Variants in PLPP5 observed in about 807,000 individuals in gnomAD.
The protein encoded by PLPP5 is diacylglycerol pyrophosphate like 1.
Under a neutral mutation model 23.6 loss-of-function variants are expected in PLPP5, and 29 were observed. The observed-to-expected ratio is 1.23, with a 90% confidence interval of 0.92 to 1.68. PLPP5 has a LOEUF of 1.68. PLPP5 is among the 40% of genes most tolerant of loss of function. The pLI is 0.00. For missense variants in PLPP5, 315 were observed against 332.1 expected (o/e 0.95, Z 0.40); for synonymous variants, 143 against 131.3 (o/e 1.09, Z -0.61).
rs1328344588 is a variant in PLPP5 at position 38,269,158 on chromosome 8, C to T, written c.42G>A (p.Val14=). Residue 14 remains valine, a synonymous_variant, in exon 1 of 7, where the codon GTG becomes GTA. Transcript: ENST00000424479. ...CCGCGAACAGCGCGAGCCGCACGCC[C>T]ACTTCGGCCCCAAAGGCCACCGCCG... The part of the protein sequence containing the change: ...AAAAVAFGAE[V]GVRLALFAAF... 9.9e-6 allele frequency: 15 copies of T among 1,513,300 alleles called. No individual in the cohort carries two copies. Among genetic ancestry groups the T allele is most frequent in the Non-Finnish European group, 1.1e-5 (12 of 1,138,352 alleles). The allele number at this position is 1,513,300 out of a possible 1,614,324, so 93.7% of individuals were successfully genotyped here.
intron 2 of PLPP5, 168 bp from the exon 3 acceptor site, chr8:38,268,629 C>A: frequency 7.0e-7 from 1 of 1,437,994 alleles, no homozygotes; most frequent in South Asian, 1.5e-5. Flanking sequence ...AGCGCCCGTG[C>A]GGCTCGGGCC....
intron 2 of PLPP5, 180 bp from the exon 3 acceptor site, chr8:38,268,641 C>T: frequency 7.0e-7 from 1 of 1,436,700 alleles, no homozygotes; most frequent in South Asian, 1.5e-5. Flanking sequence ...GCTCGGGCCC[C>T]GGTACCTCAG....
intron 5 of PLPP5, chr8:38,266,959 A>G: frequency 9.8e-7 from 1 of 1,016,426 alleles, no homozygotes; most frequent in Non-Finnish European, 1.3e-6. Flanking sequence ...AAATGCTTCA[A>G]AGTACCTGAC....
At chr8:38,265,148 C>T (rs1807391187) in intron 6 of PLPP5, 1 of 529,548 alleles carries the variant, frequency 1.9e-6, no homozygotes, top group Admixed American at 3.4e-5. Flanking sequence ...TGCCTGTAAT[C>T]CCAGATACTC....
intron 2 of PLPP5, 140 bp downstream of exon 2, chr8:38,268,742 C>A (rs1329037417): frequency 2.0e-5 from 28 of 1,433,742 alleles, no homozygotes; most frequent in Middle Eastern, 5.0e-4. Context: ...AACACTCGAG[C>A]CCTAGGAGGC....
In PLPP5 at chr8:38,267,348, C is replaced by T. The variant is rs1019034691; in HGVS notation, c.382G>A (p.Ala128Thr). ...CCTGTACACATCAAGTCAGAATGGGCTAGCCCATCAGGGAAGCAGCGGTAG... is the reference window on the plus strand; with the variant it reads ...CCTGTACACATCAAGTCAGAATGGGTTAGCCCATCAGGGAAGCAGCGGTAG... ...FFYRCFPDGL[A>T]HSDLMCTGDK... The change falls in exon 5 of 7, where the codon GCC becomes ACC. Residue 128 changes from alanine to threonine, a missense_variant. Ala to Thr is a moderately conservative substitution (Grantham distance 58, BLOSUM62 0). Transcript: ENST00000424479. 1 of 1,613,902 alleles carries T rather than the reference C, an allele frequency of 6.2e-7. No individual in the cohort carries two copies. The highest frequency in any genetic ancestry group is 8.5e-7 in the Non-Finnish European group (1 of 1,179,906).
intron 4 of PLPP5, 47 bp downstream of exon 4, chr8:38,267,850 G>A (rs1807903641): frequency 6.4e-7 from 1 of 1,574,458 alleles, no homozygotes; most frequent in South Asian, 1.1e-5. Flanking sequence ...TGTTCTGGTG[G>A]GTAAGGGCTG....
At position 38,263,513 on chromosome 8, in the gene PLPP5, CTTCT is replaced by C. The variant is rs1047824212; in HGVS notation, c.*927_*930del. On this transcript the variant is annotated 3_prime_UTR_variant, in exon 7 of 7. Coordinates refer to ENST00000424479, the MANE Select transcript of PLPP5 (RefSeq NM_001102559.2). Reference sequence around the variant, plus strand: ...CTGAAACCACACTCCTGACCATTTTCTTCTTTATTATTGTTTTCACTTAGTAATT... The same window carrying C: ...CTGAAACCACACTCCTGACCATTTTCTTATTATTGTTTTCACTTAGTAATT... 4 of 985,274 alleles carry C rather than the reference CTTCT, an allele frequency of 4.1e-6. No individual in the cohort carries two copies. Among genetic ancestry groups the C allele is most frequent in the African/African-American group, 1.7e-5 (1 of 57,224 alleles). The allele number at this position is 985,274 out of a possible 1,614,324, so 61.0% of individuals were successfully genotyped here.
In PLPP5 at chr8:38,268,353, G is replaced by T. The variant is rs370633228; in HGVS notation, c.274+18C>A. On this transcript the variant is annotated intron_variant, in intron 3 of 6. Transcript: ENST00000424479. The stretch of plus-strand genomic sequence containing the variant: ...GTTCCCAGCACGAAGAAACCGGCCC[G>T]AAAGGGCTAGCGCTCACCCAGGCAG... 2 of 1,554,958 alleles carry T rather than the reference G, an allele frequency of 1.3e-6. No individual in the cohort carries two copies. The highest frequency in any genetic ancestry group is 1.2e-5 in the South Asian group (1 of 84,254).
chr8:38,266,952 T>C (rs1342543914), intron 5 of PLPP5: 12 of 913,036 alleles, frequency 1.3e-5, no homozygotes, highest in African/African-American at 3.4e-5. Context: ...GAAATGAAAA[T>C]GCTTCAAAGT....
At chr8:38,264,849 C>T in intron 6 of PLPP5, 3 of 1,599,230 alleles carry the variant, frequency 1.9e-6, no homozygotes, top group Non-Finnish European at 2.6e-6. Context: ...GTATAATAAG[C>T]TTTGTTCAGA....
At position 38,267,903 on chromosome 8, in the gene PLPP5, A is replaced by G. The variant is rs1807921241; in HGVS notation, c.332T>C (p.Val111Ala). Residue 111 changes from valine to alanine, a missense_variant, in exon 4 of 7, where the codon GTA (valine) becomes GCA (alanine). Coordinates refer to ENST00000424479, the MANE Select transcript of PLPP5 (RefSeq NM_001102559.2). ...GVFTNTIKLI[V>A]GRPRPDFFYR... ...GTTAGCTGTTGTCACTTACCTCCCT[A>G]CGATCAGTTTTATTGTGTTGGTAAA... is the stretch of plus-strand genomic sequence containing the variant. The G allele has an allele frequency of 6.2e-7, 1 of 1,613,836 alleles. No homozygotes were observed. The highest frequency in any genetic ancestry group is 1.7e-5 in the Admixed American group (1 of 59,998).
At chr8:38,267,797 G>T in intron 4 of PLPP5, 100 bp downstream of exon 4, 2 of 1,221,122 alleles carry the variant, frequency 1.6e-6, no homozygotes, top group Non-Finnish European at 2.4e-6. Context: ...AGATAAAGGA[G>T]AAAAGAATGA....
intron 6 of PLPP5, chr8:38,265,200 A>T: frequency 3.9e-5 from 11 of 281,092 alleles, no homozygotes; most frequent in East Asian, 9.2e-5. Context: ...CAGGAGGTGG[A>T]GGTTGCAGTG....
At position 38,268,698 on chromosome 8, in the gene PLPP5, G is replaced by A. The variant is rs1023748420; in HGVS notation, c.183+184C>T. 3 of 1,431,786 alleles carry A rather than the reference G, an allele frequency of 2.1e-6. No homozygotes were observed. In the Admixed American group the frequency reaches 8.7e-5, roughly 41 times the overall value. The allele number at this position is 1,431,786 out of a possible 1,614,324, so 88.7% of individuals were successfully genotyped here. On this transcript the variant is annotated intron_variant, in intron 2 of 6. Transcript: ENST00000424479. ...GAAAACGTTGTCTCAGCCCAAAGAGGCTCGGACACCCTCCTCTCTCAATCA... is the reference window on the plus strand; with the variant it reads ...GAAAACGTTGTCTCAGCCCAAAGAGACTCGGACACCCTCCTCTCTCAATCA...
chr8:38,267,646 G>A, intron 4 of PLPP5: 1 of 617,208 alleles, frequency 1.6e-6, no homozygotes, highest in Non-Finnish European at 2.8e-6. Flanking sequence ...GCTTCAGGAG[G>A]TGCTCAAGAG....
chr8:38,264,988 G>A (rs750437380), intron 6 of PLPP5: 7 of 1,421,332 alleles, frequency 4.9e-6, no homozygotes, highest in African/African-American at 4.2e-5. Flanking sequence ...GTTGCTTCTC[G>A]CCGGGCACGG....
Position 38,263,763 on chromosome 8 carries a change from T to G in PLPP5, c.*681A>C. On this transcript the variant is annotated 3_prime_UTR_variant, in exon 7 of 7. Coordinates refer to ENST00000424479, the MANE Select transcript of PLPP5 (RefSeq NM_001102559.2). ...TGAGCTATATGAAATGGAAATTAAG[T>G]TTTGATAATGAACTCTAGCTTCTGA... 1.0e-6 allele frequency: 1 copy of G among 985,404 alleles called. No homozygotes were observed. 61.0% of individuals were successfully genotyped at this position (985,404 alleles called of 1,614,324 possible). A position where few individuals can be genotyped will look rare whatever the true frequency, so the allele number is the denominator to read the frequency against.
At chr8:38,265,095 G>C in intron 6 of PLPP5, 1 of 633,482 alleles carries the variant, frequency 1.6e-6, no homozygotes, top group Non-Finnish European at 2.8e-6. Context: ...GTGAAACCCT[G>C]TCTCTACTAA....
Sources: gnomAD v4.1 joint callset for allele counts on GRCh38, gnomAD v4.1.1 for gene constraint, MANE v1.5 for transcripts, NCBI Gene and HGNC (gene_info 2026-07-23, HGNC 2026-07-21) for gene names.